KCNH5: variants seen among roughly 807,000 people sequenced by gnomAD.
KCNH5 encodes potassium voltage-gated channel subfamily H member 5, also known as voltage-gated delayed rectifier potassium channel KCNH5.
KCNH5 carries 46 observed loss-of-function variants against 96.1 expected under a neutral mutation model. The observed-to-expected ratio is 0.48, with a 90% confidence interval of 0.38 to 0.61. The LOEUF is 0.61. Ranked by LOEUF, KCNH5 falls within the 20% of genes least tolerant of loss-of-function variation. KCNH5 has a pLI of 0.00. For missense variants in KCNH5, 907 were observed against 1,225.8 expected (o/e 0.74, Z 3.88); for synonymous variants, 439 against 449.8 (o/e 0.98, Z 0.30).
chr14:62,932,062 G>T (rs1889590627), intron 7 of KCNH5, among the ~76,000 whole-genome samples: 1 of 152,062 alleles, frequency 6.6e-6, no homozygotes, highest in Non-Finnish European at 1.5e-5. Flanking sequence ...TGGTGTTGAG[G>T]ATTTTCCACA....
intron 4 of KCNH5, among the ~76,000 whole-genome samples, chr14:62,999,879 A>G (rs12588232): frequency 6.6e-6 from 1 of 151,178 alleles, no homozygotes; most frequent in Non-Finnish European, 1.5e-5. Context: ...TAAAAAAAAA[A>G]GGGAAAAGAA....
chr14:62,916,001 C>A (rs1889267185), intron 7 of KCNH5, among the ~76,000 whole-genome samples: 1 of 146,222 alleles, frequency 6.8e-6, no homozygotes, highest in Non-Finnish European at 1.5e-5. Context: ...GTCTCCCAGG[C>A]TGGAGTGCAG....
chr14:62,849,692 G>C lies in KCNH5; in HGVS notation c.1530C>G (p.Val510=). The C allele has an allele frequency of 1.9e-6, 3 of 1,613,758 alleles. No individual in the cohort carries two copies. The highest frequency in any genetic ancestry group is 2.5e-6 in the Non-Finnish European group (3 of 1,179,814). The stretch of plus-strand genomic sequence containing the variant: ...TGCCTTTTGACATGGACCATGTTGA[G>C]ACAATATAATCCATGACTCGCTCAC... ...GLSERVMDYI[V]STWSMSKGID... is the part of the protein sequence containing the mutation. The change falls in exon 8 of 11, where the codon GTC becomes GTG. Residue 510 remains valine, a synonymous_variant. Coordinates refer to ENST00000322893, the MANE Select transcript of KCNH5 (RefSeq NM_139318.5).
chr14:62,737,609 A>T (rs1179261714), intron 10 of KCNH5, among the ~76,000 whole-genome samples: 4 of 152,204 alleles, frequency 2.6e-5, no homozygotes, highest in Non-Finnish European at 2.9e-5. Flanking sequence ...CTATTTTAAA[A>T]ATAAATCTAC....
chr14:62,952,194 C>T (rs890589027), intron 6 of KCNH5, among the ~76,000 whole-genome samples: 1 of 152,118 alleles, frequency 6.6e-6, no homozygotes, highest in Non-Finnish European at 1.5e-5. Context: ...TAAGTTGAAA[C>T]TCTCAAATAT....
intron 10 of KCNH5, among the ~76,000 whole-genome samples, chr14:62,719,973 A>G (rs759130200): frequency 7.2e-4 from 110 of 152,352 alleles, no homozygotes; most frequent in Non-Finnish European, 1.4e-3. Flanking sequence ...ATATCTGTAA[A>G]CAAAGCAAAA....
chr14:62,934,043 A>G (rs17764609), intron 7 of KCNH5, among the ~76,000 whole-genome samples: 3,069 of 152,270 alleles, frequency 0.02, 46 homozygotes, highest in Non-Finnish European at 0.03. Context: ...GCAGCACAGA[A>G]AGGCTCTGAT....
chr14:62,717,999 C>G (rs1046616003), intron 10 of KCNH5, among the ~76,000 whole-genome samples: 2 of 152,156 alleles, frequency 1.3e-5, no homozygotes, highest in East Asian at 3.9e-4. Context: ...AGCCATTATC[C>G]TAAATTAACA....
intron 2 of KCNH5, among the ~76,000 whole-genome samples, chr14:63,013,626 T>C (rs945238650): frequency 2.0e-5 from 3 of 152,124 alleles, no homozygotes; most frequent in African/African-American, 7.2e-5. Flanking sequence ...AAGGCTTTTC[T>C]GGATTTATTC....
chr14:62,703,320 A>T lies in KCNH5; in HGVS notation c.*4188T>A, dbSNP rs1354541316. On this transcript the variant is annotated 3_prime_UTR_variant, in exon 11 of 11. Transcript: ENST00000322893. ...AAAATCACATCACCGTCAATCCCTG[A>T]AATCTCTTCTAAAATCTAGAAGAAT... 6.6e-6 allele frequency: 1 copy of T among 151,894 alleles called. No homozygotes were observed. Among genetic ancestry groups the T allele is most frequent in the Non-Finnish European group, 1.5e-5 (1 of 67,784 alleles). 9.4% of individuals were successfully genotyped at this position (151,894 alleles called of 1,614,324 possible).
At chr14:63,036,234 T>C (rs1275255413) in intron 1 of KCNH5, among the ~76,000 whole-genome samples, 4 of 152,208 alleles carry the variant, frequency 2.6e-5, no homozygotes, top group African/African-American at 9.6e-5. Flanking sequence ...GTTCTTTCTT[T>C]GGTCCATCAC....
At chr14:62,787,719 G>A (rs1006291071) in intron 9 of KCNH5, among the ~76,000 whole-genome samples, 1 of 152,182 alleles carries the variant, frequency 6.6e-6, no homozygotes, top group Non-Finnish European at 1.5e-5. Context: ...TATTCCCAAA[G>A]TCCTAGAATC....
chr14:62,706,964 T>C lies in KCNH5; in HGVS notation c.*544A>G, dbSNP rs1482498556. ...CACACTCTTATCTGACTTAGGCAAC[T>C]AAACAGTCATTTAAATGGAGCAAAC... On this transcript the variant is annotated 3_prime_UTR_variant, in exon 11 of 11. Transcript: ENST00000322893. The C allele has an allele frequency of 1.3e-5, 2 of 152,224 alleles. No homozygotes were observed. The highest frequency in any genetic ancestry group is 2.9e-5 in the Non-Finnish European group (2 of 68,012). The allele number at this position is 152,224 out of a possible 1,614,324, so 9.4% of individuals were successfully genotyped here.
At chr14:62,764,854 G>C (rs185913297) in intron 10 of KCNH5, among the ~76,000 whole-genome samples, 129 of 152,240 alleles carry the variant, frequency 8.5e-4, no homozygotes, top group Middle Eastern at 3.4e-3. Flanking sequence ...ACAAAACACT[G>C]TTGAAAGAAA....
rs773627101 is a variant in KCNH5 at position 62,707,504 on chromosome 14, T to C, written c.*4A>G. Reference sequence around the variant, plus strand: ...ATATATTAACAAATATATATGTATATATATTAAAAGTGGATTTCATCTTTG... The same window carrying C: ...ATATATTAACAAATATATATGTATACATATTAAAAGTGGATTTCATCTTTG... On this transcript the variant is annotated 3_prime_UTR_variant, in exon 11 of 11. Coordinates refer to ENST00000322893, the MANE Select transcript of KCNH5 (RefSeq NM_139318.5). The C allele has an allele frequency of 7.3e-7, 1 of 1,369,152 alleles. No homozygotes were observed. The highest frequency in any genetic ancestry group is 1.9e-5 in the South Asian group (1 of 51,488). The allele number at this position is 1,369,152 out of a possible 1,614,324, so 84.8% of individuals were successfully genotyped here. A position where few individuals can be genotyped will look rare whatever the true frequency, so the allele number is the denominator to read the frequency against.
intron 7 of KCNH5, among the ~76,000 whole-genome samples, chr14:62,872,421 C>T (rs2140067583): frequency 6.6e-6 from 1 of 152,274 alleles, no homozygotes; most frequent in South Asian, 2.1e-4. Context: ...CTTTAAATTC[C>T]TACTCTTGCC....
intron 8 of KCNH5, among the ~76,000 whole-genome samples, chr14:62,825,536 A>T (rs538029294): frequency 6.6e-6 from 1 of 152,116 alleles, no homozygotes; most frequent in South Asian, 2.1e-4. Context: ...CTTCATCAAG[A>T]GTCACATCAC....
rs117374788 is a variant in KCNH5, at chr14:63,020,657, G to A, written c.74-3703C>T. Among the ~76,000 whole-genome samples the A allele has an allele frequency of 1.7e-4, 26 of 152,194 alleles. No homozygotes were observed. The East Asian group carries it at 3.3e-3, about 19-fold the overall frequency. ...AAAGGGAATGGTGGAGGAAGTGACC[G>A]AAAAGATAAAAAGAACTTTCTGGCA... On this transcript the variant is annotated intron_variant, in intron 1 of 10. Coordinates refer to ENST00000322893, the MANE Select transcript of KCNH5 (RefSeq NM_139318.5).
intron 7 of KCNH5, among the ~76,000 whole-genome samples, chr14:62,940,165 C>G (rs2073717758): frequency 1.3e-5 from 2 of 152,160 alleles, no homozygotes; most frequent in South Asian, 2.1e-4. Context: ...CGTGCCAAAT[C>G]TGATCTGCCA....
Sources: gnomAD v4.1 joint callset for allele counts (sites outside exome capture counted in the v4.1 genomes callset) on GRCh38, gnomAD v4.1.1 for gene constraint, MANE v1.5 for transcripts, NCBI Gene and HGNC (gene_info 2026-07-23, HGNC 2026-07-21) for gene names.